MACROD2: variants seen among roughly 807,000 people sequenced by gnomAD.
MACROD2 encodes the protein mono-ADP ribosylhydrolase 2.
Under a neutral mutation model 70.4 loss-of-function variants are expected in MACROD2, and 36 were observed. That is an observed-to-expected ratio of 0.51 (90% confidence interval 0.39 to 0.68). The LOEUF is 0.68. MACROD2 is among the 30% of genes least tolerant of loss of function. The probability of loss-of-function intolerance (pLI) is 0.00; values close to 1 mark genes in which losing one functional copy is unlikely to be tolerated. For missense variants in MACROD2, 496 were observed against 538.4 expected (o/e 0.92, Z 0.78); for synonymous variants, 172 against 178.8 (o/e 0.96, Z 0.30).
intron 2 of MACROD2, among the ~76,000 whole-genome samples, chr20:14,031,860 G>A (rs1427588913): frequency 1.3e-5 from 2 of 151,924 alleles, no homozygotes; most frequent in Non-Finnish European, 2.9e-5. Context: ...TTGTTCTAAG[G>A]ATTAACAAAT....
intron 5 of MACROD2, among the ~76,000 whole-genome samples, chr20:15,182,872 G>A (rs949142771): frequency 3.9e-5 from 6 of 152,140 alleles, no homozygotes; most frequent in African/African-American, 1.2e-4. Context: ...TTGATGTGAC[G>A]TCTATAAACA....
At chr20:15,185,606 A>G (rs1190222358) in intron 5 of MACROD2, among the ~76,000 whole-genome samples, 1 of 152,158 alleles carries the variant, frequency 6.6e-6, no homozygotes. Context: ...CTATTATTAA[A>G]TTTACTACAT....
At chr20:14,546,096 A>G (rs1431564087) in intron 4 of MACROD2, among the ~76,000 whole-genome samples, 1 of 152,228 alleles carries the variant, frequency 6.6e-6, no homozygotes, top group East Asian at 1.9e-4. Flanking sequence ...ATGTTTAAAT[A>G]AGTCCAGGGA....
chr20:15,465,911 C>T (rs1447374250), intron 7 of MACROD2, among the ~76,000 whole-genome samples: 3 of 152,196 alleles, frequency 2.0e-5, no homozygotes, highest in Non-Finnish European at 2.9e-5. Context: ...CTTAATGTAT[C>T]AGACAGGGTC....
At chr20:15,814,417 C>G (rs1331784384) in intron 8 of MACROD2, among the ~76,000 whole-genome samples, 3 of 152,134 alleles carry the variant, frequency 2.0e-5, no homozygotes, top group African/African-American at 7.2e-5. Flanking sequence ...TAATTCTAAG[C>G]TTTCTCTTAT....
intron 4 of MACROD2, among the ~76,000 whole-genome samples, chr20:14,571,056 A>G (rs1431826013): frequency 6.6e-6 from 1 of 152,084 alleles, no homozygotes; most frequent in Non-Finnish European, 1.5e-5. Context: ...TGAATTGGTA[A>G]GTCTGAGGAG....
At position 14,254,914 on chromosome 20, in the gene MACROD2, A is replaced by G. The variant is rs567152323; in HGVS notation, c.271+169186A>G. On this transcript the variant is annotated intron_variant, in intron 3 of 17. Transcript: ENST00000684519. ...CCTTTCCATGTTTAGTGCTTCCTTC[A>G]GGAGCTCTTTTAGGGCAGGCCTGGT... 3.0e-3 allele frequency among the ~76,000 whole-genome samples: 463 copies of G among 152,106 alleles called. 3 individuals carry two copies. Among genetic ancestry groups the G allele is most frequent in the African/African-American group, 0.011 (440 of 41,516 alleles).
chr20:15,655,845 T>C (rs2049721770), intron 8 of MACROD2, among the ~76,000 whole-genome samples: 1 of 152,206 alleles, frequency 6.6e-6, no homozygotes, highest in Non-Finnish European at 1.5e-5. Flanking sequence ...GTATATCTTA[T>C]GTAAATAAAA....
chr20:14,068,781 A>C (rs1229968976), intron 2 of MACROD2, among the ~76,000 whole-genome samples: 1 of 152,194 alleles, frequency 6.6e-6, no homozygotes, highest in Non-Finnish European at 1.5e-5. Flanking sequence ...GGGGCTGATA[A>C]GATTGGAACT....
chr20:15,811,583 C>G (rs147648813), intron 8 of MACROD2, among the ~76,000 whole-genome samples: 338 of 152,176 alleles, frequency 2.2e-3, no homozygotes, highest in Admixed American at 4.2e-3. Context: ...TATTTGTTGT[C>G]TATCCCTTTT....
rs187940866 is a variant in MACROD2, at chr20:14,367,797, G to T, written c.272-125682G>T. ...AGTTTGTTGAGCTTCTTGAATGTGT[G>T]CATTTATGTATTTTTCAAATTTGGA... On this transcript the variant is annotated intron_variant, in intron 3 of 17. Transcript: ENST00000684519. Among the ~76,000 whole-genome samples the T allele has an allele frequency of 2.9e-4, 44 of 151,964 alleles. 1 individual carries two copies. Among genetic ancestry groups the T allele is most frequent in the Admixed American group, 2.6e-3 (39 of 15,262 alleles).
intron 10 of MACROD2, among the ~76,000 whole-genome samples, chr20:15,897,065 T>A (rs888046610): frequency 6.6e-6 from 1 of 152,202 alleles, no homozygotes; most frequent in African/African-American, 2.4e-5. Context: ...TAATAAAGCA[T>A]ACTTTTCTCA....
chr20:15,877,483 C>A (rs1288192715), intron 9 of MACROD2, among the ~76,000 whole-genome samples: 1 of 151,908 alleles, frequency 6.6e-6, no homozygotes, highest in Non-Finnish European at 1.5e-5. Context: ...AACAAAATTT[C>A]TCCTGGCTTT....
chr20:14,198,754 C>T (rs148268619), intron 3 of MACROD2, among the ~76,000 whole-genome samples: 1 of 152,208 alleles, frequency 6.6e-6, no homozygotes, highest in African/African-American at 2.4e-5. Flanking sequence ...CTCTCTCTTT[C>T]TCTTCCTCTC....
intron 6 of MACROD2, among the ~76,000 whole-genome samples, chr20:15,312,049 G>C (rs970364623): frequency 1.3e-5 from 2 of 151,328 alleles, no homozygotes; most frequent in Non-Finnish European, 2.9e-5. Context: ...AAAAATTAAA[G>C]AGAGATAAAG....
intron 5 of MACROD2, among the ~76,000 whole-genome samples, chr20:14,878,287 G>T (rs528276202): frequency 6.6e-6 from 1 of 152,198 alleles, no homozygotes; most frequent in Non-Finnish European, 1.5e-5. Flanking sequence ...GGCCTGTATG[G>T]CATTTGTACG....
intron 5 of MACROD2, among the ~76,000 whole-genome samples, chr20:14,869,305 C>T (rs761236713): frequency 3.9e-5 from 6 of 152,092 alleles, no homozygotes; most frequent in African/African-American, 7.2e-5. Context: ...GTTAGAGTTT[C>T]ATCAGAGAAA....
At chr20:15,672,386 C>T (rs1011007827) in intron 8 of MACROD2, among the ~76,000 whole-genome samples, 7 of 150,302 alleles carry the variant, frequency 4.7e-5, no homozygotes, top group African/African-American at 1.7e-4. Context: ...CACACACACA[C>T]GTAGAGTCAT....
At chr20:14,425,015 A>G (rs954877967) in intron 3 of MACROD2, among the ~76,000 whole-genome samples, 4 of 152,222 alleles carry the variant, frequency 2.6e-5, no homozygotes, top group African/African-American at 4.8e-5. Flanking sequence ...TCGGGTTCCA[A>G]CCATCTTTGA....
Sources: gnomAD v4.1 joint callset for allele counts (sites outside exome capture counted in the v4.1 genomes callset) on GRCh38, gnomAD v4.1.1 for gene constraint, MANE v1.5 for transcripts, NCBI Gene and HGNC (gene_info 2026-07-23, HGNC 2026-07-21) for gene names.